DZIP1: variants seen among roughly 807,000 people sequenced by gnomAD.
The protein encoded by DZIP1 is cilium assembly protein DZIP1.
Under a neutral mutation model 107.6 loss-of-function variants are expected in DZIP1, and 97 were observed. The observed-to-expected ratio is 0.90, with a 90% CI of 0.77 to 1.07. The LOEUF is 1.07. Among genes scored for constraint, DZIP1 ranks in the 50% least tolerant of loss-of-function variants. DZIP1 has a pLI of 0.00. For missense variants in DZIP1, 1,035 were observed against 1,063.6 expected (o/e 0.97, Z 0.37); for synonymous variants, 390 against 386.4 (o/e 1.01, Z -0.11).
chr13:95,608,159 A>AT (rs1283337148), intron 13 of DZIP1, among the ~76,000 whole-genome samples: 4 of 152,196 alleles, frequency 2.6e-5, no homozygotes, highest in Non-Finnish European at 5.9e-5. Flanking sequence ...CTATGGGCCT[A>AT]TTTTTTTAAA....
intron 9 of DZIP1, among the ~76,000 whole-genome samples, chr13:95,621,954 C>T (rs1875919595): frequency 6.6e-6 from 1 of 151,840 alleles, no homozygotes; most frequent in Non-Finnish European, 1.5e-5. Flanking sequence ...GGTGAAACCC[C>T]GTTTCTACTA....
intron 14 of DZIP1, among the ~76,000 whole-genome samples, chr13:95,604,280 G>A (rs2044708415): frequency 6.6e-6 from 1 of 152,226 alleles, no homozygotes; most frequent in Non-Finnish European, 1.5e-5. Context: ...TGGAACAAAG[G>A]ACAGAGAGTG....
intron 14 of DZIP1, 101 bp downstream of exon 14, chr13:95,605,902 T>C (rs774562498): frequency 1.1e-5 from 14 of 1,221,066 alleles, no homozygotes; most frequent in Non-Finnish European, 1.5e-5. Context: ...TGTTTCCTGT[T>C]TTATTATTAA....
At chr13:95,606,737 T>A (rs772544910) in intron 13 of DZIP1, among the ~76,000 whole-genome samples, 1 of 152,200 alleles carries the variant, frequency 6.6e-6, no homozygotes, top group Non-Finnish European at 1.5e-5. Flanking sequence ...AAAAGTACTC[T>A]AATCACTGGG....
chr13:95,584,583 C>A, intron 22 of DZIP1, 153 bp downstream of exon 22: 2 of 1,375,040 alleles, frequency 1.5e-6, no homozygotes. Flanking sequence ...GTGAGTTATG[C>A]ATATCCAATC....
chr13:95,606,542 C>T (rs958304451), intron 13 of DZIP1, among the ~76,000 whole-genome samples: 4 of 152,234 alleles, frequency 2.6e-5, no homozygotes, highest in Non-Finnish European at 4.4e-5. Context: ...TATCAAGGTT[C>T]ATCCATGCTG....
chr13:95,609,456 C>A lies in DZIP1; in HGVS notation c.1420+1G>T, dbSNP rs991994471. 3.2e-6 allele frequency: 5 copies of A among 1,566,056 alleles called. No individual in the cohort carries two copies. The highest frequency in any genetic ancestry group is 4.3e-6 in the Non-Finnish European group (5 of 1,157,550). ...GCCCTGCATCTATTATAGGAACTTA[C>A]TAGGCACAGCTGGAGCAGCTGGCTG... On this transcript the variant is annotated splice_donor_variant, in intron 13 of 22. Coordinates refer to ENST00000376829, the MANE Select transcript of DZIP1 (RefSeq NM_198968.4). LOFTEE classifies it high-confidence loss of function.
intron 10 of DZIP1, among the ~76,000 whole-genome samples, chr13:95,619,683 A>T (rs1875573095): frequency 6.6e-6 from 1 of 151,610 alleles, no homozygotes; most frequent in Admixed American, 6.6e-5. Context: ...AAAAAGTTTC[A>T]TGAGAAAAAA....
intron 15 of DZIP1, among the ~76,000 whole-genome samples, chr13:95,597,082 C>T (rs1291170577): frequency 2.0e-5 from 3 of 152,176 alleles, no homozygotes; most frequent in African/African-American, 7.2e-5. Context: ...CTAAATGTGG[C>T]AGCACCCAAT....
chr13:95,641,939 G>T lies in DZIP1; in HGVS notation c.36+55C>A, dbSNP rs777458310. The T allele has an allele frequency of 4.6e-6, 7 of 1,520,848 alleles. No individual in the cohort carries two copies. Among genetic ancestry groups the T allele is most frequent in the Non-Finnish European group, 6.1e-6 (7 of 1,143,288 alleles). 94.2% of individuals were successfully genotyped at this position (1,520,848 alleles called of 1,614,324 possible). ...GGAGCTGGGGGTCCGGGGAAGCCCC[G>T]GTTCTCCCCAGCCCGGCATCCCCGT... On this transcript the variant is annotated intron_variant, in intron 4 of 22. Coordinates refer to ENST00000376829, the MANE Select transcript of DZIP1 (RefSeq NM_198968.4). This position sits in a 1 kb window ranked among gnomAD's most constrained non-coding sequence, Gnocchi z 4.3.
In DZIP1 at chr13:95,599,441, A is replaced by T. The variant is rs76833534; in HGVS notation, c.1478-17T>A. On this transcript the variant is annotated splice_polypyrimidine_tract_variant and intron_variant, in intron 14 of 22. Transcript: ENST00000376829. Reference sequence around the variant, plus strand: ...ATGCCTGTTCTATTAACAAGGAAAAATAAGAACAGTACAAACAGGACAACA... The same window carrying T: ...ATGCCTGTTCTATTAACAAGGAAAATTAAGAACAGTACAAACAGGACAACA... 2.9e-4 allele frequency: 467 copies of T among 1,604,776 alleles called. 2 individuals carry two copies. The East Asian group carries it at 0.01, about 36-fold the overall frequency.
At chr13:95,608,508 A>ATTGT (rs2044861451) in intron 13 of DZIP1, among the ~76,000 whole-genome samples, 2 of 147,854 alleles carry the variant, frequency 1.4e-5, no homozygotes, top group African/African-American at 2.5e-5. Context: ...GCTGCTGAAG[A>ATTGT]TTGTTTGTTT....
chr13:95,637,510 G>A (rs750039024), intron 5 of DZIP1, among the ~76,000 whole-genome samples: 5 of 151,980 alleles, frequency 3.3e-5, no homozygotes, highest in Non-Finnish European at 5.9e-5. Context: ...AGGCTGAGGC[G>A]GAAAGAATAT....
At chr13:95,619,710 T>A (rs1034074607) in intron 10 of DZIP1, among the ~76,000 whole-genome samples, 175 bp downstream of exon 10, 1 of 152,076 alleles carries the variant, frequency 6.6e-6, no homozygotes, top group Non-Finnish European at 1.5e-5. Flanking sequence ...GAAAACAAAT[T>A]ATAAGAAAGT....
At chr13:95,589,972 T>C (rs1488279413) in intron 17 of DZIP1, 40 bp from the exon 18 acceptor site, 1 of 1,602,012 alleles carries the variant, frequency 6.2e-7, no homozygotes, top group East Asian at 2.2e-5. Context: ...ATTACCTTTA[T>C]GATCAGTAAG....
rs982086115 is a variant in DZIP1, at chr13:95,642,245, C to G, written c.-212-4G>C. 3 of 540,690 alleles carry G rather than the reference C, an allele frequency of 5.5e-6. No homozygotes were observed. The highest frequency in any genetic ancestry group is 9.3e-6 in the Non-Finnish European group (3 of 322,080). 33.5% of individuals were successfully genotyped at this position (540,690 alleles called of 1,614,324 possible). ...GGGTCAGCGTGCACCCAGAACCCTGCGGGACCAGAGAAGACCTCTTGGACG... is the reference window on the plus strand; with the variant it reads ...GGGTCAGCGTGCACCCAGAACCCTGGGGGACCAGAGAAGACCTCTTGGACG... On this transcript the variant is annotated splice_polypyrimidine_tract_variant and splice_region_variant and intron_variant, in intron 3 of 22. Coordinates refer to ENST00000376829, the MANE Select transcript of DZIP1 (RefSeq NM_198968.4).
rs1434649198 is a variant in DZIP1 at position 95,610,109 on chromosome 13, T to TGAGAGAGAGA, written c.1364-597_1364-596insTCTCTCTCTC. ...GTGTGTGTGTGTGTGTGTGTGTGTG[T>TGAGAGAGAGA]GTGAGAGAGAGACAGAGAGAGAGAG... On this transcript the variant is annotated intron_variant, in intron 12 of 22. Coordinates refer to ENST00000376829, the MANE Select transcript of DZIP1 (RefSeq NM_198968.4). Among the ~76,000 whole-genome samples the TGAGAGAGAGA allele has an allele frequency of 1.6e-3, 199 of 125,682 alleles. 3 individuals are homozygous for TGAGAGAGAGA. The highest frequency in any genetic ancestry group is 4.8e-3 in the African/African-American group (160 of 33,216). The allele number at this position is 125,682 out of a possible 152,430, so 82.5% of individuals were successfully genotyped here.
chr13:95,630,704 A>G, intron 6 of DZIP1: 2 of 1,248,614 alleles, frequency 1.6e-6, no homozygotes, highest in Non-Finnish European at 2.1e-6. Flanking sequence ...ACTTATGTAC[A>G]TGTACTTACA....
intron 7 of DZIP1, among the ~76,000 whole-genome samples, chr13:95,627,903 A>T (rs1282491606): frequency 6.6e-6 from 1 of 152,232 alleles, no homozygotes; most frequent in African/African-American, 2.4e-5. Context: ...TCAATGGATG[A>T]CTGGATAAAC....
Sources: gnomAD v4.1 joint callset for allele counts (sites outside exome capture counted in the v4.1 genomes callset) on GRCh38, gnomAD v4.1.1 for gene constraint, Gnocchi (gnomAD v3.1) non-coding constraint, MANE v1.5 for transcripts, NCBI Gene and HGNC (gene_info 2026-07-23, HGNC 2026-07-21) for gene names.